The following MYO16 variants were observed in gnomAD, a reference collection of about 807,000 sequenced individuals.
MYO16 encodes the protein unconventional myosin-XVI.
Under a neutral mutation model 205.3 loss-of-function variants are expected in MYO16, and 94 were observed. The ratio of observed to expected loss-of-function variants is 0.46; its 90% CI spans 0.39 to 0.54. MYO16 has a LOEUF of 0.54. Among genes scored for constraint, MYO16 ranks in the 20% least tolerant of loss-of-function variants. The pLI is 0.00. For missense variants in MYO16, 2,315 were observed against 2,387.5 expected (o/e 0.97, Z 0.63); for synonymous variants, 988 against 954.0 (o/e 1.04, Z -0.66).
intron 28 of MYO16, among the ~76,000 whole-genome samples, chr13:109,108,536 T>C (rs1358394551): frequency 2.0e-5 from 3 of 152,252 alleles, no homozygotes; most frequent in Non-Finnish European, 2.9e-5. Flanking sequence ...AGTTTATTGA[T>C]TGACTGATTC....
intron 3 of MYO16, among the ~76,000 whole-genome samples, chr13:108,713,716 T>G (rs1883813365): frequency 6.6e-6 from 1 of 152,170 alleles, no homozygotes; most frequent in Non-Finnish European, 1.5e-5. Context: ...ATGCAAGTTA[T>G]TATACAGTCA....
chr13:109,126,424 C>T (rs1052926416), intron 30 of MYO16, among the ~76,000 whole-genome samples: 2 of 152,172 alleles, frequency 1.3e-5, no homozygotes, highest in African/African-American at 4.8e-5. Flanking sequence ...CTTGGAAACT[C>T]CTTGTAGAAT....
At chr13:108,977,893 C>T (rs1884319760) in intron 20 of MYO16, among the ~76,000 whole-genome samples, 2 of 152,098 alleles carry the variant, frequency 1.3e-5, no homozygotes, top group Non-Finnish European at 1.5e-5. Flanking sequence ...GGGATGTTGA[C>T]TACAAATTAA....
chr13:109,122,811 A>G (rs1206875522), intron 29 of MYO16, among the ~76,000 whole-genome samples: 1 of 152,200 alleles, frequency 6.6e-6, no homozygotes, highest in Non-Finnish European at 1.5e-5. Flanking sequence ...CAAAGCATTA[A>G]TTATTGATTT....
intron 21 of MYO16, among the ~76,000 whole-genome samples, chr13:109,003,501 T>G (rs1009453213): frequency 6.6e-6 from 1 of 152,160 alleles, no homozygotes; most frequent in Non-Finnish European, 1.5e-5. Context: ...ATAAATTGGG[T>G]TGCTCTATCC....
chr13:109,157,599 C>T (rs1017921574), intron 32 of MYO16, among the ~76,000 whole-genome samples: 1 of 152,314 alleles, frequency 6.6e-6, no homozygotes, highest in Admixed American at 6.5e-5. Flanking sequence ...GCCCCCTGGC[C>T]CTTTGCAACC....
At chr13:108,639,801 G>C (rs1357549295) in intron 1 of MYO16, among the ~76,000 whole-genome samples, 1 of 152,206 alleles carries the variant, frequency 6.6e-6, no homozygotes, top group East Asian at 1.9e-4. Flanking sequence ...ATTGACCTGA[G>C]CATGGAGAAA....
At chr13:108,818,944 A>G (rs1217625532) in intron 7 of MYO16, among the ~76,000 whole-genome samples, 1 of 152,222 alleles carries the variant, frequency 6.6e-6, no homozygotes, top group Non-Finnish European at 1.5e-5. Context: ...TTTAACAACA[A>G]GTAAATGCCT....
intron 16 of MYO16, among the ~76,000 whole-genome samples, chr13:108,926,571 C>T (rs1882016387): frequency 6.6e-6 from 1 of 152,118 alleles, no homozygotes; most frequent in Non-Finnish European, 1.5e-5. Context: ...ACACAGGACT[C>T]TCCCGAGGGC....
At chr13:109,102,308 T>C (rs1004311777) in intron 28 of MYO16, among the ~76,000 whole-genome samples, 6 of 152,092 alleles carry the variant, frequency 3.9e-5, no homozygotes, top group Non-Finnish European at 7.4e-5. Flanking sequence ...ATATCAGCAT[T>C]TATTCTGTCT....
At chr13:108,518,447 T>C in the MYO16 span, among the ~76,000 whole-genome samples, 1 of 152,172 alleles carries the variant, frequency 6.6e-6, no homozygotes, top group African/African-American at 2.4e-5. Flanking sequence ...TAGTTGATGA[T>C]TTTTTAGGGT....
chr13:108,977,066 C>G (rs554410107), intron 20 of MYO16, among the ~76,000 whole-genome samples: 24 of 152,298 alleles, frequency 1.6e-4, no homozygotes, highest in African/African-American at 4.6e-4. Context: ...TCTCTAGCCA[C>G]TGGTTTTTCA....
At chr13:108,997,744 A>G (rs1257453813) in intron 21 of MYO16, among the ~76,000 whole-genome samples, 1 of 152,208 alleles carries the variant, frequency 6.6e-6, no homozygotes, top group Non-Finnish European at 1.5e-5. Flanking sequence ...AGGGTGAGGC[A>G]GGAGAATCGC....
At chr13:108,497,928 TCTC>T in the MYO16 span, among the ~76,000 whole-genome samples, 5 of 152,106 alleles carry the variant, frequency 3.3e-5, no homozygotes, top group Admixed American at 2.0e-4. Flanking sequence ...AATATTGCCT[TCTC>T]CTTGAGAAAT....
chr13:109,124,072 C>T (rs1335329893), intron 29 of MYO16, among the ~76,000 whole-genome samples: 3 of 152,188 alleles, frequency 2.0e-5, no homozygotes, highest in African/African-American at 7.2e-5. Flanking sequence ...CCACTTCACC[C>T]ATGAGAAGGC....
the MYO16 span, among the ~76,000 whole-genome samples, chr13:108,582,541 A>T: frequency 6.6e-6 from 1 of 152,204 alleles, no homozygotes; most frequent in Admixed American, 6.5e-5. Context: ...GAGTATTCGA[A>T]TTCATAGTGT....
At position 108,918,991 on chromosome 13, in the gene MYO16, T is replaced by TCC. The variant is rs1241442900; in HGVS notation, c.1925+8842_1925+8843insCC. Reference sequence around the variant, plus strand: ...AAAAAACTTACACTCAAACTTATACTCTGTTTTGACATAAAAACCTGAGGC... The same window carrying TCC: ...AAAAAACTTACACTCAAACTTATACTCCCTGTTTTGACATAAAAACCTGAGGC... On this transcript the variant is annotated intron_variant, in intron 16 of 34. Transcript: ENST00000457511. Among the ~76,000 whole-genome samples, 10 of 149,386 alleles carry TCC rather than the reference T, an allele frequency of 6.7e-5. No homozygotes were observed. In the East Asian group the frequency reaches 2.0e-3, roughly 30 times the overall value.
intron 11 of MYO16, among the ~76,000 whole-genome samples, chr13:108,860,796 A>C (rs1449416680): frequency 6.6e-6 from 1 of 152,200 alleles, no homozygotes; most frequent in Non-Finnish European, 1.5e-5. Context: ...AAATTAACTC[A>C]AGATGGATTG....
intron 20 of MYO16, among the ~76,000 whole-genome samples, chr13:108,980,809 G>A (rs1020029221): frequency 6.6e-6 from 1 of 152,134 alleles, no homozygotes; most frequent in African/African-American, 2.4e-5. Context: ...ATTATTTTTT[G>A]AATATTACCT....
Sources: gnomAD v4.1 joint callset for allele counts (sites outside exome capture counted in the v4.1 genomes callset) on GRCh38, gnomAD v4.1.1 for gene constraint, MANE v1.5 for transcripts, NCBI Gene and HGNC (gene_info 2026-07-23, HGNC 2026-07-21) for gene names.